Variants in COL28A1 observed in about 807,000 individuals in gnomAD.
COL28A1 encodes the protein collagen type XXVIII alpha 1 chain, also known as collagen alpha-1(XXVIII) chain.
COL28A1 carries 161 observed loss-of-function variants against 150.2 expected under a neutral mutation model. That is an observed-to-expected ratio of 1.07 (90% confidence interval 0.94 to 1.22). COL28A1 has a LOEUF of 1.22. Ranked by LOEUF, COL28A1 falls within the 50% of genes most tolerant of loss-of-function variation. The pLI, the probability that COL28A1 is intolerant of heterozygous loss-of-function variation, is 0.00. For missense variants in COL28A1, 1,617 were observed against 1,388.3 expected, an observed-to-expected ratio of 1.16 and a Z score of -2.62; for synonymous variants, 552 against 469.7, an observed-to-expected ratio of 1.18 and a Z score of -2.26.
chr7:7,383,747 T>C (rs1339205767), intron 27 of COL28A1, among the ~76,000 whole-genome samples: 5 of 147,626 alleles, frequency 3.4e-5, no homozygotes, highest in African/African-American at 4.9e-5. Context: ...TGCTATAAAG[T>C]ATTTCATTAA....
intron 33 of COL28A1, among the ~76,000 whole-genome samples, chr7:7,366,326 G>C (rs1190046357): frequency 6.6e-6 from 1 of 152,084 alleles, no homozygotes; most frequent in Non-Finnish European, 1.5e-5. Context: ...CCCAATTTCA[G>C]AAATAATAAA....
At chr7:7,447,490 C>G (rs905229887) in intron 18 of COL28A1, among the ~76,000 whole-genome samples, 1 of 151,490 alleles carries the variant, frequency 6.6e-6, no homozygotes, top group African/African-American at 2.4e-5. Flanking sequence ...AAATATAGCA[C>G]TTTGTGTTGA....
At chr7:7,516,640 G>A (rs964667738) in intron 7 of COL28A1, among the ~76,000 whole-genome samples, 19 of 152,312 alleles carry the variant, frequency 1.2e-4, no homozygotes, top group African/African-American at 4.3e-4. Context: ...AAATAGAATT[G>A]TCAGATTTAT....
rs190378529 is a variant in COL28A1, at chr7:7,398,295, C to G, written c.2137-16683G>C. On this transcript the variant is annotated intron_variant, in intron 27 of 34. Coordinates refer to ENST00000399429, the MANE Select transcript of COL28A1 (RefSeq NM_001037763.3). ...CTCAATACTTACAGTCAAATGTTCT[C>G]CATTTGGAGATTGTTTCCTGCAATC... Among the ~76,000 whole-genome samples, 66 of 152,300 alleles carry G rather than the reference C, an allele frequency of 4.3e-4. 1 individual carries two copies. Among genetic ancestry groups the G allele is most frequent in the African/African-American group, 1.5e-3 (62 of 41,570 alleles).
At chr7:7,432,597 A>G in intron 24 of COL28A1, 35 bp downstream of exon 24, 1 of 1,612,880 alleles carries the variant, frequency 6.2e-7, no homozygotes, top group Non-Finnish European at 8.5e-7. Context: ...CAACACTCAA[A>G]AAGGAGGGAG....
At chr7:7,462,063 A>G (rs992953745) in intron 15 of COL28A1, among the ~76,000 whole-genome samples, 4 of 152,184 alleles carry the variant, frequency 2.6e-5, no homozygotes, top group African/African-American at 9.7e-5. Flanking sequence ...ACTCTGTGCA[A>G]ACAGCCCCCA....
At chr7:7,424,731 A>G (rs1784564944) in intron 25 of COL28A1, among the ~76,000 whole-genome samples, 1 of 152,126 alleles carries the variant, frequency 6.6e-6, no homozygotes, top group Non-Finnish European at 1.5e-5. Context: ...AAAGAAGAAT[A>G]ACGGACTGTT....
chr7:7,510,779 C>G lies in COL28A1; in HGVS notation c.927+312G>C, dbSNP rs1362884149. ...ATCTGGAAAGCACTTCTACCCTGACCTAACTGCAGCTTTAATTAACTTTGC... is the reference window on the plus strand; with the variant it reads ...ATCTGGAAAGCACTTCTACCCTGACGTAACTGCAGCTTTAATTAACTTTGC... On this transcript the variant is annotated intron_variant, in intron 9 of 34. Transcript: ENST00000399429. 5.3e-5 allele frequency among the ~76,000 whole-genome samples: 8 copies of G among 152,304 alleles called. No individual in the cohort carries two copies. The East Asian group carries it at 1.3e-3, about 26-fold the overall frequency.
chr7:7,361,044 G>C (rs181705300), intron 33 of COL28A1, among the ~76,000 whole-genome samples: 1 of 152,080 alleles, frequency 6.6e-6, no homozygotes, highest in African/African-American at 2.4e-5. Context: ...CAATAATACA[G>C]CTGAAATAAA....
chr7:7,399,990 C>G (rs950786474), intron 27 of COL28A1, among the ~76,000 whole-genome samples: 1 of 152,240 alleles, frequency 6.6e-6, no homozygotes, highest in Admixed American at 6.5e-5. Flanking sequence ...GCAAAGCATT[C>G]AATCCCTCTG....
chr7:7,537,043 T>C (rs1482230145), upstream of COL28A1, among the ~76,000 whole-genome samples: 1 of 152,232 alleles, frequency 6.6e-6, no homozygotes, highest in Non-Finnish European at 1.5e-5. Context: ...ACTAAACCTC[T>C]AAATACTCAA....
intron 15 of COL28A1, among the ~76,000 whole-genome samples, chr7:7,459,807 C>A (rs1041861610): frequency 6.6e-6 from 1 of 152,204 alleles, no homozygotes; most frequent in Non-Finnish European, 1.5e-5. Flanking sequence ...AACAATTTGA[C>A]AAATCATCAA....
intron 25 of COL28A1, among the ~76,000 whole-genome samples, chr7:7,427,487 C>T (rs946650736): frequency 5.3e-5 from 8 of 152,286 alleles, no homozygotes; most frequent in Admixed American, 3.3e-4. Flanking sequence ...TCTATGTCTG[C>T]CAATGGAATT....
At chr7:7,514,934 C>T (rs912441898) in intron 8 of COL28A1, among the ~76,000 whole-genome samples, 3 of 152,146 alleles carry the variant, frequency 2.0e-5, no homozygotes, top group African/African-American at 7.2e-5. Flanking sequence ...TATGCCCTCC[C>T]AGCAGCAGGC....
At chr7:7,528,804 G>C (rs1782175748) in intron 3 of COL28A1, among the ~76,000 whole-genome samples, 1 of 152,032 alleles carries the variant, frequency 6.6e-6, no homozygotes, top group African/African-American at 2.4e-5. Flanking sequence ...TAATTGTGTT[G>C]GTAGTTTCAT....
intron 27 of COL28A1, among the ~76,000 whole-genome samples, chr7:7,385,451 T>C (rs1370245007): frequency 2.6e-5 from 4 of 152,184 alleles, no homozygotes; most frequent in Non-Finnish European, 5.9e-5. Context: ...GGTGTGATGG[T>C]GAATTATCGC....
intron 28 of COL28A1, 29 bp downstream of exon 28, chr7:7,381,515 G>C (rs1039254090): frequency 6.4e-7 from 1 of 1,551,820 alleles, no homozygotes; most frequent in African/African-American, 1.4e-5. Flanking sequence ...CTAAGCCTAA[G>C]CATTTCTCTA....
In COL28A1 at chr7:7,358,703, C is replaced by T. The variant is rs752181786; in HGVS notation, c.3308G>A (p.Ser1103Asn). The T allele has an allele frequency of 4.3e-6, 7 of 1,614,084 alleles. No homozygotes were observed. The South Asian group carries it at 7.7e-5, about 18-fold the overall frequency. The change falls in exon 35 of 35, where the codon AGT becomes AAT. Residue 1103 changes from serine (S) to asparagine (N), a missense_variant. By Grantham distance (46) the Ser-to-Asn change is conservative (BLOSUM62 1). Transcript: ENST00000399429. ...TCTATTTCCTGAGCCATTACAGCCA[C>T]TGAACCAAAATCGGGCACAAGAGTT... ...QVNSCARFWF[S>N]GCNGSGNRFN...
chr7:7,471,454 T>C (rs1047837385), intron 15 of COL28A1, among the ~76,000 whole-genome samples: 1 of 152,144 alleles, frequency 6.6e-6, no homozygotes, highest in Non-Finnish European at 1.5e-5. Context: ...CATGAACATA[T>C]ATGCTAAAAT....
Sources: allele counts gnomAD v4.1 joint callset (sites outside exome capture counted in the v4.1 genomes callset), GRCh38; gene constraint gnomAD v4.1.1; transcripts MANE v1.5; gene names NCBI Gene and HGNC (gene_info 2026-07-23, HGNC 2026-07-21).